The following YAP1 variants were observed in gnomAD, a reference collection of about 807,000 sequenced individuals.
YAP1 encodes transcriptional coactivator YAP1.
A neutral mutation model predicts 56.9 loss-of-function variants in YAP1; 5 were observed. The ratio of observed to expected loss-of-function variants is 0.09; its 90% confidence interval spans 0.05 to 0.18. The LOEUF is 0.18. Ranked by LOEUF, YAP1 falls within the 10% of genes least tolerant of loss-of-function variation. YAP1 has a pLI of 1.00. For missense variants in YAP1, 539 were observed against 651.8 expected (o/e 0.83, Z 1.88); for synonymous variants, 265 against 248.1 (o/e 1.07, Z -0.64).
intron 3 of YAP1, among the ~76,000 whole-genome samples, chr11:102,183,684 T>TG (rs1245833490): frequency 6.9e-6 from 1 of 144,246 alleles, no homozygotes; most frequent in Non-Finnish European, 1.5e-5. Context: ...ACAGCTAAGG[T>TG]GGGGAATAAT....
chr11:102,127,872 A>C (rs972108129), intron 2 of YAP1, among the ~76,000 whole-genome samples: 9 of 152,226 alleles, frequency 5.9e-5, no homozygotes, highest in African/African-American at 1.9e-4. Context: ...TGAGACCTGG[A>C]GTCACAGGAG....
At position 102,220,562 on chromosome 11, in the gene YAP1, A is replaced by G. The variant is rs115482443; in HGVS notation, c.1033-3060A>G. Among the ~76,000 whole-genome samples the G allele has an allele frequency of 7.0e-3, 1,073 of 152,272 alleles. 11 individuals are homozygous for G. Among genetic ancestry groups the G allele is most frequent in the African/African-American group, 0.022 (918 of 41,538 alleles). On this transcript the variant is annotated intron_variant, in intron 6 of 8. Transcript: ENST00000282441. ...CTAAAAGGTGCTTATGCTGTTTTGA[A>G]TGATCAGTCATGAATTTAAGCTTGT...
chr11:102,142,743 A>G (rs1258802412), intron 2 of YAP1, among the ~76,000 whole-genome samples: 1 of 152,266 alleles, frequency 6.6e-6, no homozygotes, highest in East Asian at 1.9e-4. Flanking sequence ...ATTGTCAAGT[A>G]AAACTTAGAA....
chr11:102,212,376 C>T (rs558309682), intron 6 of YAP1, among the ~76,000 whole-genome samples: 22 of 152,114 alleles, frequency 1.4e-4, no homozygotes, highest in South Asian at 4.1e-4. Flanking sequence ...TGTACACTAA[C>T]GTCAGTATGG....
chr11:102,195,047 C>A (rs192189661), intron 4 of YAP1, among the ~76,000 whole-genome samples: 21 of 152,226 alleles, frequency 1.4e-4, no homozygotes, highest in African/African-American at 5.1e-4. Context: ...TGCAAATCAC[C>A]ATGTCTGGCT....
chr11:102,187,487 C>T (rs1948035082), intron 4 of YAP1, among the ~76,000 whole-genome samples: 1 of 152,090 alleles, frequency 6.6e-6, no homozygotes, highest in African/African-American at 2.4e-5. Flanking sequence ...TAAATGCGGC[C>T]AATTGTTTGG....
chr11:102,195,914 G>T (rs933815425), intron 4 of YAP1, among the ~76,000 whole-genome samples: 1 of 152,200 alleles, frequency 6.6e-6, no homozygotes, highest in African/African-American at 2.4e-5. Context: ...ACAAAACCTA[G>T]AGTAGGATGT....
intron 2 of YAP1, among the ~76,000 whole-genome samples, chr11:102,161,053 CTTTTTTTTTT>C (rs67023819): frequency 0.01 from 772 of 75,574 alleles, 8 homozygotes; most frequent in African/African-American, 0.039. Flanking sequence ...TAATTTCTTT[CTTTTTTTTTT>C]TTTTTTTTTT....
intron 4 of YAP1, among the ~76,000 whole-genome samples, chr11:102,193,424 G>A (rs10791567): frequency 0.92 from 139,849 of 152,122 alleles, 65,393 homozygotes; most frequent in East Asian, 1. Flanking sequence ...GTGAAATTTC[G>A]CTGTTCCTTT....
In YAP1 at chr11:102,216,044, G is replaced by A. The variant is rs773634905; in HGVS notation, c.1032+6480G>A. The stretch of plus-strand genomic sequence containing the variant: ...CACACTCAGATAACAAAGGTTTCAG[G>A]AGGCAGAAGTGAAATGGAAATTTCG... On this transcript the variant is annotated intron_variant, in intron 6 of 8. Transcript: ENST00000282441. 4.2e-4 allele frequency among the ~76,000 whole-genome samples: 64 copies of A among 152,278 alleles called. No homozygotes were observed. The Middle Eastern group carries it at 0.01, about 24-fold the overall frequency.
intron 2 of YAP1, among the ~76,000 whole-genome samples, chr11:102,120,197 CTGCCACCGTGG>C (rs2135154127): frequency 6.6e-6 from 1 of 152,368 alleles, no homozygotes; most frequent in South Asian, 2.1e-4. Flanking sequence ...GGAACAAGTA[CTGCCACCGTGG>C]AAGCACTTTT....
At position 102,227,701 on chromosome 11, in the gene YAP1, T is replaced by C. The variant is rs968951929; in HGVS notation, c.1276+120T>C. ...AGAAAACCAATTAAAATCCTGTAAA[T>C]TTGAATTAAATTGATCCTGCTTTGT... On this transcript the variant is annotated intron_variant, in intron 8 of 8. Coordinates refer to ENST00000282441, the MANE Select transcript of YAP1 (RefSeq NM_001130145.3). The C allele has an allele frequency of 1.6e-5, 11 of 696,360 alleles. No homozygotes were observed. The African/African-American group carries it at 2.0e-4, about 12-fold the overall frequency. The allele number at this position is 696,360 out of a possible 1,614,324, so 43.1% of individuals were successfully genotyped here. A position where few individuals can be genotyped will look rare whatever the true frequency, so the allele number is the denominator to read the frequency against.
At chr11:102,118,772 C>A (rs988089145) in intron 2 of YAP1, among the ~76,000 whole-genome samples, 2 of 150,570 alleles carry the variant, frequency 1.3e-5, no homozygotes, top group South Asian at 2.1e-4. Context: ...AGACTATGAA[C>A]ATATACAGTG....
intron 3 of YAP1, among the ~76,000 whole-genome samples, 161 bp downstream of exon 3, chr11:102,162,732 T>G (rs1424133725): frequency 6.6e-6 from 1 of 152,256 alleles, no homozygotes; most frequent in Non-Finnish European, 1.5e-5. Flanking sequence ...TAAAATAACG[T>G]AAGCTATATT....
intron 2 of YAP1, among the ~76,000 whole-genome samples, chr11:102,115,030 C>A (rs1444482235): frequency 6.6e-6 from 1 of 152,174 alleles, no homozygotes; most frequent in Admixed American, 6.5e-5. Context: ...AGAAACCCTC[C>A]TCTCTGGGAA....
intron 3 of YAP1, among the ~76,000 whole-genome samples, chr11:102,171,666 G>C (rs958060757): frequency 6.6e-6 from 1 of 152,168 alleles, no homozygotes. Flanking sequence ...TTGCATATTA[G>C]TAGGCTCACT....
At chr11:102,150,694 C>T (rs973411997) in intron 2 of YAP1, among the ~76,000 whole-genome samples, 2 of 151,776 alleles carry the variant, frequency 1.3e-5, no homozygotes, top group Non-Finnish European at 2.9e-5. Flanking sequence ...TGCTTTAAAC[C>T]TTAAAACATG....
At chr11:102,112,420 T>G in intron 1 of YAP1, 2 of 972,722 alleles carry the variant, frequency 2.1e-6, no homozygotes, top group Non-Finnish European at 2.4e-6. Context: ...TTTTTATTTC[T>G]TCTTCTTTTT....
At position 102,110,922 on chromosome 11, in the gene YAP1, A is replaced by C. The variant is rs1222068805; in HGVS notation, c.74A>C (p.Gln25Pro). 2.1e-6 allele frequency: 3 copies of C among 1,440,278 alleles called. No individual in the cohort carries two copies. The highest frequency in any genetic ancestry group is 3.1e-5 in the East Asian group (1 of 32,518). 89.2% of individuals were successfully genotyped at this position (1,440,278 alleles called of 1,614,324 possible). Reference sequence around the variant, plus strand: ...GGGCAGCCGCCTTCGCAGCCCCCGCAGGGGCAGGGCCCGCCGTCCGGACCC... The same window carrying C: ...GGGCAGCCGCCTTCGCAGCCCCCGCCGGGGCAGGGCCCGCCGTCCGGACCC... ...GQGQPPSQPP[Q>P]GQGPPSGPGQ... Residue 25 changes from glutamine (Q) to proline (P), a missense_variant, in exon 1 of 9, where the codon CAG becomes CCG. By Grantham distance (76) the Gln-to-Pro change is moderately conservative (BLOSUM62 -1). Coordinates refer to ENST00000282441, the MANE Select transcript of YAP1 (RefSeq NM_001130145.3).
Sources: allele counts gnomAD v4.1 joint callset (sites outside exome capture counted in the v4.1 genomes callset), GRCh38; gene constraint gnomAD v4.1.1; transcripts MANE v1.5; gene names NCBI Gene and HGNC (gene_info 2026-07-23, HGNC 2026-07-21).